The following PARD3B variants were observed in gnomAD, a reference collection of about 807,000 sequenced individuals.
The protein encoded by PARD3B is partitioning defective 3 homolog B.
In PARD3B, 103 loss-of-function variants were observed where a neutral mutation model predicts 130.2. That is an observed-to-expected ratio of 0.79 (90% confidence interval 0.67 to 0.93). The LOEUF (loss-of-function observed/expected upper bound fraction) is 0.93. PARD3B is among the 40% of genes least tolerant of loss of function. PARD3B has a pLI of 0.00. For missense variants in PARD3B, 1,609 were observed against 1,499.2 expected (o/e 1.07, Z -1.21); for synonymous variants, 583 against 553.2 (o/e 1.05, Z -0.76).
At chr2:204,776,903 G>T (rs911176685) in intron 2 of PARD3B, among the ~76,000 whole-genome samples, 3 of 151,850 alleles carry the variant, frequency 2.0e-5, no homozygotes, top group Non-Finnish European at 2.9e-5. Flanking sequence ...ACATAATGGG[G>T]GTGGGTAAAA....
intron 15 of PARD3B, among the ~76,000 whole-genome samples, chr2:205,204,516 T>C (rs1233956481): frequency 6.6e-6 from 1 of 152,202 alleles, no homozygotes; most frequent in Admixed American, 6.5e-5. Context: ...AGACATGAAG[T>C]CTTTGCCCAT....
intron 2 of PARD3B, among the ~76,000 whole-genome samples, chr2:204,708,502 G>A (rs915864964): frequency 7.2e-5 from 11 of 152,084 alleles, no homozygotes; most frequent in African/African-American, 2.4e-4. Context: ...TAGATATTCG[G>A]GTTTTAGAAT....
At chr2:205,516,329 G>A (rs560328190) in intron 21 of PARD3B, among the ~76,000 whole-genome samples, 2 of 151,478 alleles carry the variant, frequency 1.3e-5, no homozygotes, top group Non-Finnish European at 3.0e-5. Context: ...ATTCCATATG[G>A]ATCTGTAAAT....
chr2:204,872,793 T>A (rs950607419), intron 2 of PARD3B, among the ~76,000 whole-genome samples: 6 of 152,230 alleles, frequency 3.9e-5, no homozygotes, highest in Admixed American at 6.5e-5. Flanking sequence ...AATACTTATT[T>A]GAACTCTACA....
chr2:204,555,432 C>G (rs576472205), intron 1 of PARD3B, among the ~76,000 whole-genome samples: 1 of 152,228 alleles, frequency 6.6e-6, no homozygotes, highest in Admixed American at 6.5e-5. Context: ...GTGGCACACA[C>G]CTGTAATCCC....
intron 2 of PARD3B, among the ~76,000 whole-genome samples, chr2:204,775,712 A>C (rs1309935066): frequency 1.3e-5 from 2 of 152,156 alleles, no homozygotes; most frequent in Non-Finnish European, 2.9e-5. Context: ...CCCAGATATC[A>C]AGTAATTCTG....
intron 3 of PARD3B, among the ~76,000 whole-genome samples, chr2:204,965,807 A>T (rs957088370): frequency 6.6e-6 from 1 of 152,220 alleles, no homozygotes; most frequent in Admixed American, 6.5e-5. Context: ...AAGACAATTC[A>T]TCCAGTAATT....
rs76133303 is a variant in PARD3B at position 204,916,066 on chromosome 2, C to T, written c.223-49086C>T. Among the ~76,000 whole-genome samples, 1,421 of 152,124 alleles carry T rather than the reference C, an allele frequency of 9.3e-3. 24 individuals are homozygous for T. The highest frequency in any genetic ancestry group is 0.032 in the African/African-American group (1,336 of 41,488). ...GAGAGTGGGATGTTTTGAAATACAG[C>T]GTGATAACTGTGCATGTTAGCACAA... On this transcript the variant is annotated intron_variant, in intron 2 of 22. Coordinates refer to ENST00000406610, the MANE Select transcript of PARD3B (RefSeq NM_001302769.2).
intron 10 of PARD3B, among the ~76,000 whole-genome samples, chr2:205,156,315 T>C (rs566544639): frequency 6.6e-6 from 1 of 150,580 alleles, no homozygotes; most frequent in Non-Finnish European, 1.5e-5. Flanking sequence ...TAATGCTAAA[T>C]GACGAGTTAA....
rs1200248763 is a variant in PARD3B at position 205,590,675 on chromosome 2, A to G, written c.3261-24781A>G. The stretch of plus-strand genomic sequence containing the variant: ...AAGTAGGACAGATGCTAGACTGGCA[A>G]AAGCAGCAACTTTCTTCCACTGTCT... On this transcript the variant is annotated intron_variant, in intron 22 of 22. Transcript: ENST00000406610. This position sits in a 1 kb window ranked among gnomAD's most constrained non-coding sequence, Gnocchi z 4.1. 2.0e-5 allele frequency among the ~76,000 whole-genome samples: 3 copies of G among 152,160 alleles called. No individual in the cohort carries two copies. The highest frequency in any genetic ancestry group is 7.2e-5 in the African/African-American group (3 of 41,446).
chr2:205,309,464 A>G lies in PARD3B; in HGVS notation c.2630+7763A>G, dbSNP rs920618262. ...CTAAGCCTTACAGATTTTAAGGCAT[A>G]TATGTTTACTTCATTTTATTCTAAA... On this transcript the variant is annotated intron_variant, in intron 18 of 22. Transcript: ENST00000406610. This position sits in a 1 kb window ranked among gnomAD's most constrained non-coding sequence, Gnocchi z 4.7. Among the ~76,000 whole-genome samples, 1 of 152,218 alleles carries G rather than the reference A, an allele frequency of 6.6e-6. No individual in the cohort carries two copies.
intron 3 of PARD3B, among the ~76,000 whole-genome samples, chr2:205,001,850 A>T (rs1260135649): frequency 6.6e-6 from 1 of 152,184 alleles, no homozygotes; most frequent in Non-Finnish European, 1.5e-5. Context: ...CAGCTCCACG[A>T]TGAGAGAAGC....
rs919883183 is a variant in PARD3B, at chr2:205,589,590, G to T, written c.3261-25866G>T. ...TACCTTCCTTTTTATTTACTCCCTT[G>T]GGTCTGAGCAGGCAAGACTTGTCTT... On this transcript the variant is annotated intron_variant, in intron 22 of 22. Coordinates refer to ENST00000406610, the MANE Select transcript of PARD3B (RefSeq NM_001302769.2). This position sits in a 1 kb window ranked among gnomAD's most constrained non-coding sequence, Gnocchi z 4.1. 2.0e-5 allele frequency among the ~76,000 whole-genome samples: 3 copies of T among 152,110 alleles called. No individual in the cohort carries two copies. Among genetic ancestry groups the T allele is most frequent in the Admixed American group, 2.0e-4 (3 of 15,292 alleles).
intron 15 of PARD3B, among the ~76,000 whole-genome samples, chr2:205,203,429 T>A (rs2037099237): frequency 6.6e-6 from 1 of 152,144 alleles, no homozygotes. Context: ...TTTTACTTTT[T>A]ATTTTTTTAC....
rs2035891721 is a variant in PARD3B at position 205,183,226 on chromosome 2, A to G, written c.1925-2538A>G. Among the ~76,000 whole-genome samples, 1 of 152,172 alleles carries G rather than the reference A, an allele frequency of 6.6e-6. No homozygotes were observed. The highest frequency in any genetic ancestry group is 2.1e-4 in the South Asian group (1 of 4,826). On this transcript the variant is annotated intron_variant, in intron 13 of 22. Transcript: ENST00000406610. The surrounding 1 kb of genome is among the most constrained non-coding windows in gnomAD (Gnocchi z 5.2). ...GGTGTTGGCAGGGAATGGTAAGCTA[A>G]CGGGTAATGGGAGATAAAGTTGTTT...
At chr2:205,297,095 TAAAG>T (rs143767439) in intron 16 of PARD3B, among the ~76,000 whole-genome samples, 2,028 of 152,178 alleles carry the variant, frequency 0.013, 16 homozygotes, top group Middle Eastern at 0.062. Context: ...TTCTCGATCT[TAAAG>T]AACATGGACA....
In PARD3B at chr2:205,320,022, C is replaced by T. The variant is rs145745745; in HGVS notation, c.2630+18321C>T. Among the ~76,000 whole-genome samples, 378 of 152,022 alleles carry T rather than the reference C, an allele frequency of 2.5e-3. 3 individuals carry two copies. The highest frequency in any genetic ancestry group is 3.7e-3 in the East Asian group (19 of 5,140). ...GGTGAAACTAAAAATATAAAAATTACCCAAATGTGGTGGCATGCCTGTAAT... is the reference window on the plus strand; with the variant it reads ...GGTGAAACTAAAAATATAAAAATTATCCAAATGTGGTGGCATGCCTGTAAT... On this transcript the variant is annotated intron_variant, in intron 18 of 22. Coordinates refer to ENST00000406610, the MANE Select transcript of PARD3B (RefSeq NM_001302769.2).
rs549674577 is a variant in PARD3B at position 205,431,531 on chromosome 2, G to A, written c.2742-8839G>A. ...GTTGTCCAGGCTTGAGTGCAGTGGC[G>A]CTATCTCTGCTCACCGCAAGCTCTG... On this transcript the variant is annotated intron_variant, in intron 19 of 22. Coordinates refer to ENST00000406610, the MANE Select transcript of PARD3B (RefSeq NM_001302769.2). Among the ~76,000 whole-genome samples the A allele has an allele frequency of 2.0e-4, 31 of 151,260 alleles. No homozygotes were observed. The South Asian group carries it at 2.3e-3, about 11-fold the overall frequency.
intron 3 of PARD3B, among the ~76,000 whole-genome samples, chr2:204,970,863 A>C (rs899939479): frequency 6.6e-6 from 1 of 152,222 alleles, no homozygotes; most frequent in Non-Finnish European, 1.5e-5. Flanking sequence ...TTAAACTTTG[A>C]AGATGAGCTA....
Sources: allele counts gnomAD v4.1 joint callset (sites outside exome capture counted in the v4.1 genomes callset), GRCh38; gene constraint gnomAD v4.1.1; non-coding constraint Gnocchi (gnomAD v3.1); transcripts MANE v1.5; gene names NCBI Gene and HGNC (gene_info 2026-07-23, HGNC 2026-07-21).